Variants in ARHGEF18 observed in about 807,000 individuals in gnomAD.
ARHGEF18 encodes the protein Rho/Rac guanine nucleotide exchange factor 18.
Under a neutral mutation model 155.7 loss-of-function variants are expected in ARHGEF18, and 93 were observed. The ratio of observed to expected loss-of-function variants is 0.60; its 90% CI spans 0.50 to 0.71. ARHGEF18 has a LOEUF of 0.71. Ranked by LOEUF, ARHGEF18 falls within the 30% of genes least tolerant of loss-of-function variation. The pLI, the probability that ARHGEF18 is intolerant of heterozygous loss-of-function variation, is 0.00. For synonymous variants in ARHGEF18, 742 were observed against 753.1 expected (o/e 0.99, Z 0.24); for missense variants, 1,593 against 1,816.1 (o/e 0.88, Z 2.23).
At chr19:7,385,833 ATCTCTCTCTCTCTC>A (rs762196307) in intron 10 of ARHGEF18, among the ~76,000 whole-genome samples, 2 of 51,974 alleles carry the variant, frequency 3.8e-5, no homozygotes, top group East Asian at 7.5e-4. Flanking sequence ...ATCTCTCTCT[ATCTCTCTCTCTCTC>A]TCTCTCTCTC....
chr19:7,470,288 T>C lies in ARHGEF18; in HGVS notation c.4076T>C (p.Ile1359Thr). Residue 1359 changes from isoleucine (I) to threonine (T), a missense_variant, in exon 29 of 29, where the codon ATC (isoleucine) becomes ACC (threonine). Transcript: ENST00000668164. The surrounding 1 kb of genome is among the most constrained non-coding windows in gnomAD (Gnocchi z 5.9). Reference sequence around the variant, plus strand: ...GAGGACGCCAGCAAAGAAGACGTCATCTTCTTCTAAAAGGGCCGTGACTCA... The same window carrying C: ...GAGGACGCCAGCAAAGAAGACGTCACCTTCTTCTAAAAGGGCCGTGACTCA... ...AKEDASKEDV[I>T]FF 6.5e-7 allele frequency: 1 copy of C among 1,534,596 alleles called. No individual in the cohort carries two copies. The highest frequency in any genetic ancestry group is 8.8e-7 in the Non-Finnish European group (1 of 1,142,384).
At chr19:7,416,706 C>T (rs755995189) in intron 10 of ARHGEF18, among the ~76,000 whole-genome samples, 1 of 151,120 alleles carries the variant, frequency 6.6e-6, no homozygotes, top group Non-Finnish European at 1.5e-5. Flanking sequence ...GGGTTCACAC[C>T]ATTCTCCTGC....
At chr19:7,467,003 A>G (rs1243105425) in intron 24 of ARHGEF18, 29 bp downstream of exon 24, 1 of 1,613,154 alleles carries the variant, frequency 6.2e-7, no homozygotes. Context: ...CCATCTCCCC[A>G]GGGCCTTGTG....
chr19:7,374,703 G>A (rs1009972738), intron 3 of ARHGEF18, among the ~76,000 whole-genome samples: 1 of 151,280 alleles, frequency 6.6e-6, no homozygotes, highest in Non-Finnish European at 1.5e-5. Flanking sequence ...AAAAAAAATC[G>A]ACTGCATGCA....
chr19:7,410,687 AT>A (rs1271453624), intron 10 of ARHGEF18, among the ~76,000 whole-genome samples: 2 of 151,342 alleles, frequency 1.3e-5, no homozygotes, highest in African/African-American at 4.9e-5. Context: ...GCATGCACCT[AT>A]AATCCCATTT....
At chr19:7,420,327 A>G (rs1973278133) in intron 10 of ARHGEF18, among the ~76,000 whole-genome samples, 2 of 152,076 alleles carry the variant, frequency 1.3e-5, no homozygotes, top group Non-Finnish European at 2.9e-5. Context: ...CAGTGGCACA[A>G]TCTGCAACCT....
intron 23 of ARHGEF18, among the ~76,000 whole-genome samples, chr19:7,466,457 C>G (rs1037047376): frequency 6.8e-6 from 1 of 147,876 alleles, no homozygotes; most frequent in Admixed American, 6.8e-5. Flanking sequence ...CTCAGGAGGC[C>G]GAGGTGGGAG....
rs1490258717 is a variant in ARHGEF18 at position 7,395,538 on chromosome 19, G to C, written c.967+12335G>C. Among the ~76,000 whole-genome samples, 8 of 152,260 alleles carry C rather than the reference G, an allele frequency of 5.3e-5. No individual in the cohort carries two copies. The highest frequency in any genetic ancestry group is 5.2e-4 in the Admixed American group (8 of 15,302). On this transcript the variant is annotated intron_variant, in intron 10 of 28. Transcript: ENST00000668164. This position sits in a 1 kb window ranked among gnomAD's most constrained non-coding sequence, Gnocchi z 5.0. ...CTACGGCTTACTCTCCTCCAGGAGA[G>C]GAGAGGAGGGGTCACTTGGGCCCCA...
intron 10 of ARHGEF18, among the ~76,000 whole-genome samples, chr19:7,394,137 G>A (rs1224094561): frequency 6.6e-6 from 1 of 151,718 alleles, no homozygotes; most frequent in Non-Finnish European, 1.5e-5. Flanking sequence ...TCCCACCTCA[G>A]CCTCTGGAGG....
chr19:7,361,361 C>T (rs1049733200), intron 1 of ARHGEF18, among the ~76,000 whole-genome samples: 2 of 151,998 alleles, frequency 1.3e-5, no homozygotes, highest in Admixed American at 6.6e-5. Flanking sequence ...TCACTCAAAT[C>T]CCGGAGGTGG....
intron 5 of ARHGEF18, among the ~76,000 whole-genome samples, chr19:7,378,089 T>A (rs1970547383): frequency 1.3e-5 from 2 of 151,800 alleles, no homozygotes; most frequent in Non-Finnish European, 2.9e-5. Flanking sequence ...CGAGACTGTG[T>A]CTAAGGAAAA....
At chr19:7,403,277 G>A (rs151187383) in intron 10 of ARHGEF18, among the ~76,000 whole-genome samples, 3,015 of 152,200 alleles carry the variant, frequency 0.02, 38 homozygotes, top group Middle Eastern at 0.054. Flanking sequence ...ACAGAGTGGT[G>A]CAGCTGTCAC....
chr19:7,358,204 A>ACCTT, intron 1 of ARHGEF18, among the ~76,000 whole-genome samples: 1 of 42,070 alleles, frequency 2.4e-5, no homozygotes, highest in South Asian at 8.5e-4. Context: ...CAACTCTTCA[A>ACCTT]CCATCCATCC....
chr19:7,479,933 T>C, the ARHGEF18 span, among the ~76,000 whole-genome samples: 4 of 152,146 alleles, frequency 2.6e-5, no homozygotes, highest in East Asian at 1.9e-4. Context: ...CTGAACGTTA[T>C]GCTCAATTTT....
chr19:7,465,920 C>G (rs1976577709), intron 23 of ARHGEF18, among the ~76,000 whole-genome samples: 1 of 151,930 alleles, frequency 6.6e-6, no homozygotes. Context: ...CCTGTCTCTA[C>G]TAAAAATATA....
At position 7,463,181 on chromosome 19, in the gene ARHGEF18, T is replaced by C. The variant is rs1200476125; in HGVS notation, c.2636-637T>C. ...AGGGAAGCCGACTCAGCCCCTGCCTTCCAGAGCCTTTCCGCAGAATAAGAC... is the reference window on the plus strand; with the variant it reads ...AGGGAAGCCGACTCAGCCCCTGCCTCCCAGAGCCTTTCCGCAGAATAAGAC... On this transcript the variant is annotated intron_variant, in intron 21 of 28. Transcript: ENST00000668164. This position sits in a 1 kb window ranked among gnomAD's most constrained non-coding sequence, Gnocchi z 5.2. Among the ~76,000 whole-genome samples, 1 of 152,084 alleles carries C rather than the reference T, an allele frequency of 6.6e-6. No homozygotes were observed. The highest frequency in any genetic ancestry group is 2.4e-5 in the African/African-American group (1 of 41,404).
chr19:7,451,737 G>C (rs550130178), intron 16 of ARHGEF18, among the ~76,000 whole-genome samples: 3 of 150,854 alleles, frequency 2.0e-5, no homozygotes, highest in African/African-American at 7.3e-5. Flanking sequence ...GTTTTGTTTT[G>C]TTTTGAGACA....
intron 10 of ARHGEF18, among the ~76,000 whole-genome samples, chr19:7,417,425 C>T (rs1973088161): frequency 6.6e-6 from 1 of 152,128 alleles, no homozygotes; most frequent in South Asian, 2.1e-4. Context: ...TGGCCCAGCA[C>T]AGTGGCTCAC....
chr19:7,373,456 T>C (rs1970287525), intron 3 of ARHGEF18, among the ~76,000 whole-genome samples: 1 of 118,548 alleles, frequency 8.4e-6, no homozygotes, highest in Admixed American at 7.7e-5. Context: ...CTCTTGTTTT[T>C]GTGTTTGTTT....
Sources: allele counts gnomAD v4.1 joint callset (sites outside exome capture counted in the v4.1 genomes callset), GRCh38; gene constraint gnomAD v4.1.1; non-coding constraint Gnocchi (gnomAD v3.1); transcripts MANE v1.5; gene names NCBI Gene and HGNC (gene_info 2026-07-23, HGNC 2026-07-21).